PCCA: variants seen among roughly 807,000 people sequenced by gnomAD.
PCCA encodes propionyl-CoA carboxylase alpha chain, mitochondrial.
In PCCA, 74 loss-of-function variants were observed where a neutral mutation model predicts 101.3. That is an observed-to-expected ratio of 0.73 (90% confidence interval 0.61 to 0.89). PCCA has a LOEUF of 0.89. Among genes scored for constraint, PCCA ranks in the 40% least tolerant of loss-of-function variants. The probability of loss-of-function intolerance (pLI) is 0.00; values close to 1 mark genes in which losing one functional copy is unlikely to be tolerated. For synonymous variants in PCCA, 294 were observed against 313.6 expected, an observed-to-expected ratio of 0.94 and a Z score of 0.66; for missense variants, 891 against 907.0, an observed-to-expected ratio of 0.98 and a Z score of 0.23.
At chr13:100,156,128 C>T (rs764552725) in intron 5 of PCCA, among the ~76,000 whole-genome samples, 3 of 152,080 alleles carry the variant, frequency 2.0e-5, no homozygotes, top group Admixed American at 1.3e-4. Context: ...AGTGCGATGG[C>T]GTGATCTTGG....
At chr13:100,371,731 A>C (rs1267316698) in intron 19 of PCCA, among the ~76,000 whole-genome samples, 1 of 152,226 alleles carries the variant, frequency 6.6e-6, no homozygotes, top group African/African-American at 2.4e-5. Flanking sequence ...CCAAATAGTC[A>C]AAACAATCCT....
chr13:100,379,325 G>A (rs2076096347), intron 19 of PCCA, among the ~76,000 whole-genome samples: 1 of 152,184 alleles, frequency 6.6e-6, no homozygotes, highest in South Asian at 2.1e-4. Flanking sequence ...AATGGTGGTA[G>A]TGGTGGGCTG....
chr13:100,171,031 C>T (rs2055584377), intron 6 of PCCA, among the ~76,000 whole-genome samples: 1 of 152,152 alleles, frequency 6.6e-6, no homozygotes, highest in African/African-American at 2.4e-5. Context: ...GAGGATTGTG[C>T]AGTAGAGTTT....
intron 12 of PCCA, among the ~76,000 whole-genome samples, chr13:100,297,078 T>A (rs190837948): frequency 6.6e-6 from 1 of 152,332 alleles, no homozygotes; most frequent in East Asian, 1.9e-4. Context: ...ATGTACTAGA[T>A]TCAGTCTTTG....
intron 1 of PCCA, among the ~76,000 whole-genome samples, chr13:100,100,844 A>G (rs2047210531): frequency 6.6e-6 from 1 of 151,516 alleles, no homozygotes; most frequent in Non-Finnish European, 1.5e-5. Flanking sequence ...CTGGAGTGCA[A>G]CGGTACAAAC....
chr13:100,286,094 A>G (rs1176989572), intron 12 of PCCA, among the ~76,000 whole-genome samples: 2 of 152,212 alleles, frequency 1.3e-5, no homozygotes, highest in Non-Finnish European at 2.9e-5. Context: ...GTGGGGGGGA[A>G]GCAGGCCATT....
At chr13:100,296,199 C>A (rs930625000) in intron 12 of PCCA, among the ~76,000 whole-genome samples, 1 of 151,854 alleles carries the variant, frequency 6.6e-6, no homozygotes, top group African/African-American at 2.4e-5. Flanking sequence ...ATATGAAAAA[C>A]AAGTCTTTCT....
chr13:100,305,233 G>A (rs968951736), intron 14 of PCCA, among the ~76,000 whole-genome samples: 4 of 152,020 alleles, frequency 2.6e-5, no homozygotes, highest in Admixed American at 1.3e-4. Flanking sequence ...TGATTTTATC[G>A]TATGTATTTT....
At chr13:100,358,580 T>C (rs1295880401) in intron 18 of PCCA, among the ~76,000 whole-genome samples, 1 of 152,156 alleles carries the variant, frequency 6.6e-6, no homozygotes. Context: ...ATTTGCTGGA[T>C]AGGCTGAAAA....
At chr13:100,337,397 A>G (rs1025929402) in intron 17 of PCCA, among the ~76,000 whole-genome samples, 11 of 152,206 alleles carry the variant, frequency 7.2e-5, no homozygotes, top group Non-Finnish European at 1.6e-4. Flanking sequence ...GTTCAAAGGG[A>G]GCTCAAGGTC....
intron 21 of PCCA, among the ~76,000 whole-genome samples, chr13:100,515,192 T>C (rs1489919343): frequency 1.3e-5 from 2 of 152,240 alleles, no homozygotes; most frequent in Non-Finnish European, 2.9e-5. Context: ...ATGATACTTA[T>C]CAATGATTAA....
intron 1 of PCCA, among the ~76,000 whole-genome samples, chr13:100,091,722 C>G (rs1284234319): frequency 1.3e-5 from 2 of 152,056 alleles, no homozygotes; most frequent in Admixed American, 1.3e-4. Context: ...AGCCAGTCAA[C>G]AGAGTTTATT....
At chr13:100,159,605 TAAG>T (rs984127541) in intron 6 of PCCA, among the ~76,000 whole-genome samples, 1 of 152,202 alleles carries the variant, frequency 6.6e-6, no homozygotes, top group Admixed American at 6.5e-5. Context: ...TAAATGAAAG[TAAG>T]AAGGATGATT....
intron 19 of PCCA, among the ~76,000 whole-genome samples, chr13:100,396,867 C>T (rs1189438692): frequency 6.6e-6 from 1 of 152,058 alleles, no homozygotes; most frequent in African/African-American, 2.4e-5. Context: ...GGCTGGTGAA[C>T]CTAGAAAGCT....
intron 22 of PCCA, among the ~76,000 whole-genome samples, chr13:100,523,470 TC>T (rs2087467701): frequency 6.6e-6 from 1 of 152,170 alleles, no homozygotes; most frequent in South Asian, 2.1e-4. Context: ...GGGATTTGAT[TC>T]CCATCACTCA....
intron 1 of PCCA, among the ~76,000 whole-genome samples, chr13:100,094,392 G>A (rs1330008235): frequency 2.6e-5 from 4 of 152,094 alleles, no homozygotes; most frequent in Non-Finnish European, 4.4e-5. Context: ...TGAAAGATAA[G>A]CATATTGCAT....
chr13:100,198,045 C>T (rs1209278800), intron 6 of PCCA: 1 of 152,204 alleles, frequency 6.6e-6, no homozygotes, highest in Non-Finnish European at 1.5e-5. Context: ...GTGTACAGCT[C>T]CTGGCACTCA....
chr13:100,444,510 T>G (rs1478313339), intron 20 of PCCA, among the ~76,000 whole-genome samples: 3 of 140,610 alleles, frequency 2.1e-5, no homozygotes, highest in Non-Finnish European at 3.0e-5. Context: ...TGATGCAATC[T>G]TGGCTCACTG....
At chr13:100,430,856 T>C (rs1383233843) in intron 20 of PCCA, among the ~76,000 whole-genome samples, 1 of 152,172 alleles carries the variant, frequency 6.6e-6, no homozygotes, top group Non-Finnish European at 1.5e-5. Flanking sequence ...ATAGTCACAA[T>C]GAGAACAATG....
Sources: allele counts gnomAD v4.1 joint callset (sites outside exome capture counted in the v4.1 genomes callset), GRCh38; gene constraint gnomAD v4.1.1; transcripts MANE v1.5; gene names NCBI Gene and HGNC (gene_info 2026-07-23, HGNC 2026-07-21).